Variants in GLYR1 observed in about 807,000 individuals in gnomAD.
GLYR1 encodes cytokine-like nuclear factor N-PAC.
GLYR1 carries 21 observed loss-of-function variants against 72.7 expected under a neutral mutation model. The ratio of observed to expected loss-of-function variants is 0.29; its 90% CI spans 0.20 to 0.42. The LOEUF is 0.42. Ranked by LOEUF, GLYR1 falls within the 10% of genes least tolerant of loss-of-function variation. The pLI is 1.00. For missense variants in GLYR1, 594 were observed against 712.1 expected (o/e 0.83, Z 1.89); for synonymous variants, 392 against 270.2 (o/e 1.45, Z -4.42).
intron 4 of GLYR1, chr16:4,832,518 G>A (rs1347436883): frequency 5.2e-6 from 3 of 574,030 alleles, no homozygotes; most frequent in South Asian, 5.0e-5. Flanking sequence ...GAAATGGCCT[G>A]TGCTAGACTC....
chr16:4,808,928 T>C (rs898651993), intron 15 of GLYR1, among the ~76,000 whole-genome samples: 1 of 152,178 alleles, frequency 6.6e-6, no homozygotes, highest in African/African-American at 2.4e-5. Flanking sequence ...ATTGTGCCAC[T>C]GCACTTTACC....
chr16:4,812,921 T>A (rs1315557827), intron 12 of GLYR1, among the ~76,000 whole-genome samples: 1 of 143,422 alleles, frequency 7.0e-6, no homozygotes, highest in Non-Finnish European at 1.5e-5. Flanking sequence ...ATCAGCCTCC[T>A]CAGTAGCTGG....
At chr16:4,821,651 TTCA>T in intron 7 of GLYR1, 54 bp from the exon 8 acceptor site, 6 of 1,518,660 alleles carry the variant, frequency 4.0e-6, no homozygotes, top group Non-Finnish European at 5.5e-6. Context: ...TTAACCAGTC[TTCA>T]TAATAATCCC....
chr16:4,819,266 G>A (rs1404221635), intron 9 of GLYR1, among the ~76,000 whole-genome samples: 1 of 152,086 alleles, frequency 6.6e-6, no homozygotes, highest in Admixed American at 6.6e-5. Context: ...TCTCACCTCA[G>A]CCTCCCAAAG....
intron 1 of GLYR1, 121 bp from the exon 2 acceptor site, chr16:4,846,331 A>G: frequency 9.3e-7 from 1 of 1,078,774 alleles, no homozygotes; most frequent in Non-Finnish European, 1.4e-6. Flanking sequence ...CCGAAACAAA[A>G]GCTTTCATAG....
intron 2 of GLYR1, among the ~76,000 whole-genome samples, chr16:4,845,507 C>T (rs1356295728): frequency 3.3e-5 from 5 of 151,930 alleles, no homozygotes; most frequent in African/African-American, 1.2e-4. Context: ...CCCACCCCTG[C>T]TCCAATGTGA....
intron 3 of GLYR1, among the ~76,000 whole-genome samples, chr16:4,838,803 G>A (rs1486186407): frequency 2.6e-5 from 4 of 152,158 alleles, no homozygotes; most frequent in Non-Finnish European, 2.9e-5. Flanking sequence ...TAGCCAGCAT[G>A]GTCTTGATCT....
At chr16:4,811,346 A>G in intron 14 of GLYR1, 52 bp from the exon 15 acceptor site, 1 of 1,608,116 alleles carries the variant, frequency 6.2e-7, no homozygotes, top group South Asian at 1.1e-5. Flanking sequence ...GAAACTAAAA[A>G]CTACTTACGG....
At chr16:4,822,802 G>T in intron 7 of GLYR1, 73 bp downstream of exon 7, 1 of 1,302,896 alleles carries the variant, frequency 7.7e-7, no homozygotes, top group Non-Finnish European at 1.1e-6. Context: ...CAGATGGCCA[G>T]GCCAGGACCC....
intron 4 of GLYR1, 43 bp downstream of exon 4, chr16:4,832,731 C>A: frequency 6.4e-7 from 1 of 1,561,588 alleles, no homozygotes; most frequent in Non-Finnish European, 8.7e-7. Context: ...ATGCAAAAAT[C>A]ACCAGTCTGG....
intron 15 of GLYR1, among the ~76,000 whole-genome samples, chr16:4,805,719 T>C (rs2082927836): frequency 6.6e-6 from 1 of 152,068 alleles, no homozygotes; most frequent in Non-Finnish European, 1.5e-5. Flanking sequence ...GGCTCATGCC[T>C]GTAATCCCAG....
intron 6 of GLYR1, among the ~76,000 whole-genome samples, chr16:4,823,228 T>C (rs367783597): frequency 2.0e-5 from 3 of 152,248 alleles, no homozygotes; most frequent in South Asian, 4.1e-4. Context: ...CTGTGCTTTA[T>C]AAATTCGGTA....
chr16:4,814,713 G>T, intron 10 of GLYR1, 66 bp from the exon 11 acceptor site: 2 of 1,269,296 alleles, frequency 1.6e-6, no homozygotes, highest in Non-Finnish European at 2.3e-6. Flanking sequence ...AGCCAGGCCA[G>T]AGAATTGCTG....
At chr16:4,846,344 G>C in intron 1 of GLYR1, 134 bp from the exon 2 acceptor site, 1 of 946,616 alleles carries the variant, frequency 1.1e-6, no homozygotes, top group Non-Finnish European at 1.7e-6. Flanking sequence ...TTTCATAGCT[G>C]GGCCCAACAC....
Position 4,804,789 on chromosome 16 carries a change from C to G in GLYR1, c.*447G>C, listed in dbSNP as rs1012400651. On this transcript the variant is annotated 3_prime_UTR_variant, in exon 16 of 16. Transcript: ENST00000321919. The stretch of plus-strand genomic sequence containing the variant: ...GATGGGGACATGACTACAGCCTCTT[C>G]GCTCTGGGGGAAGCTGTGGGAAGGC... 5 of 198,714 alleles carry G rather than the reference C, an allele frequency of 2.5e-5. No homozygotes were observed. Among genetic ancestry groups the G allele is most frequent in the African/African-American group, 1.1e-4 (5 of 44,016 alleles). 12.3% of individuals were successfully genotyped at this position (198,714 alleles called of 1,614,324 possible). A position where few individuals can be genotyped will look rare whatever the true frequency, so the allele number is the denominator to read the frequency against.
intron 3 of GLYR1, among the ~76,000 whole-genome samples, chr16:4,844,476 T>A (rs1159624596): frequency 1.3e-5 from 2 of 152,204 alleles, no homozygotes; most frequent in African/African-American, 2.4e-5. Flanking sequence ...ATGGCTTTTA[T>A]AAAAATAATT....
In GLYR1 at chr16:4,812,261, G is replaced by A; in HGVS notation, c.1120-13C>T. On this transcript the variant is annotated splice_polypyrimidine_tract_variant and intron_variant, in intron 12 of 15. Transcript: ENST00000321919. ...TGGACACAATCACCTGGAAAGAAAA[G>A]TCACAGCTTCTGGAGGCCTCCCCTC... 6.2e-7 allele frequency: 1 copy of A among 1,609,430 alleles called. No individual in the cohort carries two copies.
chr16:4,846,234 C>T (rs188356727), intron 1 of GLYR1, 24 bp from the exon 2 acceptor site: 5 of 1,613,576 alleles, frequency 3.1e-6, no homozygotes, highest in East Asian at 2.2e-5. Flanking sequence ...AAAGAGTCAA[C>T]ACTTGCCCTG....
chr16:4,832,549 T>G lies in GLYR1; in HGVS notation c.294+225A>C, dbSNP rs1018396611. On this transcript the variant is annotated intron_variant, in intron 4 of 15. Coordinates refer to ENST00000321919, the MANE Select transcript of GLYR1 (RefSeq NM_032569.4). ...GACTCAAATGCTGAGATATTTCTCC[T>G]GGGTCCAAGCAATTTTCCTAAAAGC... 3 of 589,978 alleles carry G rather than the reference T, an allele frequency of 5.1e-6. No homozygotes were observed. The Admixed American group carries it at 1.0e-4, about 21-fold the overall frequency. 36.5% of individuals were successfully genotyped at this position (589,978 alleles called of 1,614,324 possible).
Sources: allele counts gnomAD v4.1 joint callset (sites outside exome capture counted in the v4.1 genomes callset), GRCh38; gene constraint gnomAD v4.1.1; transcripts MANE v1.5; gene names NCBI Gene and HGNC (gene_info 2026-07-23, HGNC 2026-07-21).